OPHN1: variants seen among roughly 807,000 people sequenced by gnomAD.
The protein encoded by OPHN1 is oligophrenin-1.
OPHN1 carries 11 observed loss-of-function variants against 60.7 expected under a neutral mutation model. That is an observed-to-expected ratio of 0.18 (90% CI 0.11 to 0.30). The LOEUF is 0.30. OPHN1 is among the 10% of genes least tolerant of loss of function. OPHN1 has a pLI of 1.00. For synonymous variants in OPHN1, 226 were observed against 222.6 expected, an observed-to-expected ratio of 1.02 and a Z score of -0.14; for missense variants, 449 against 611.0, an observed-to-expected ratio of 0.73 and a Z score of 2.80.
intron 20 of OPHN1, among the ~76,000 whole-genome samples, chrX:68,069,979 T>C (rs772402608): frequency 2.7e-4 from 30 of 111,447 alleles, no homozygotes; most frequent in Non-Finnish European, 2.8e-4. Flanking sequence ...GCAACAGTCA[T>C]ATAATGAAGA....
chrX:68,430,049 A>C (rs771250890), intron 2 of OPHN1, among the ~76,000 whole-genome samples: 2 of 112,245 alleles, frequency 1.8e-5, no homozygotes, highest in Admixed American at 9.4e-5. Flanking sequence ...AAAAACAAAA[A>C]AAAAAAAAGT....
chrX:68,400,569 G>A (rs186149841), intron 2 of OPHN1, among the ~76,000 whole-genome samples: 2 of 110,078 alleles, frequency 1.8e-5, no homozygotes, highest in East Asian at 2.9e-4. Flanking sequence ...GGGGAAGCAG[G>A]CACGTCTTTC....
intron 2 of OPHN1, among the ~76,000 whole-genome samples, chrX:68,317,667 AAGG>A (rs1277736230): frequency 1.2e-4 from 11 of 88,323 alleles, no homozygotes; most frequent in East Asian, 8.4e-4. Context: ...GAGAAGGAGG[AAGG>A]AGGAGGAGGA....
intron 6 of OPHN1, among the ~76,000 whole-genome samples, chrX:68,219,453 C>A (rs890205580): frequency 1.9e-5 from 2 of 107,611 alleles, no homozygotes; most frequent in African/African-American, 6.8e-5. Flanking sequence ...ACAGAACTCT[C>A]CACCCCAAAT....
At chrX:68,089,275 A>G (rs1334399486) in intron 19 of OPHN1, among the ~76,000 whole-genome samples, 1 of 111,779 alleles carries the variant, frequency 8.9e-6, no homozygotes, top group Non-Finnish European at 1.9e-5. Context: ...GAAAAAATAT[A>G]TGATACAAGA....
chrX:68,053,430 C>T (rs756440184), intron 22 of OPHN1, among the ~76,000 whole-genome samples: 1 of 111,749 alleles, frequency 8.9e-6, no homozygotes, highest in South Asian at 3.7e-4. Context: ...CTAGCAGGTA[C>T]TAAGAATCAA....
chrX:68,244,410 C>A (rs1473157353), intron 5 of OPHN1, among the ~76,000 whole-genome samples: 3 of 112,257 alleles, frequency 2.7e-5, no homozygotes, highest in Non-Finnish European at 5.6e-5. Flanking sequence ...TGTTTAACAT[C>A]TGCCTCCCAC....
intron 2 of OPHN1, among the ~76,000 whole-genome samples, chrX:68,429,636 T>C (rs1267153767): frequency 9.0e-6 from 1 of 110,658 alleles, no homozygotes; most frequent in Non-Finnish European, 1.9e-5. Flanking sequence ...GGTGGGAGGA[T>C]CACTTGAGCC....
intron 2 of OPHN1, among the ~76,000 whole-genome samples, chrX:68,337,437 G>A (rs1459348036): frequency 3.6e-5 from 4 of 111,894 alleles, no homozygotes; most frequent in Non-Finnish European, 7.5e-5. Flanking sequence ...AAACCACAAT[G>A]GCAGATGTAA....
At chrX:68,433,822 A>G (rs1462058973), upstream of OPHN1, 5 of 296,045 alleles carry the variant, frequency 1.7e-5, no homozygotes, top group Non-Finnish European at 2.4e-5. Context: ...GCGGTAGCCC[A>G]GCGCTTCCCT....
At chrX:68,344,680 G>A (rs2078370646) in intron 2 of OPHN1, among the ~76,000 whole-genome samples, 1 of 111,131 alleles carries the variant, frequency 9.0e-6, no homozygotes, top group South Asian at 3.8e-4. Context: ...TTCAAGATCA[G>A]CCTGGGCAAC....
At chrX:68,158,535 C>T (rs1352119464) in intron 15 of OPHN1, among the ~76,000 whole-genome samples, 2 of 112,216 alleles carry the variant, frequency 1.8e-5, no homozygotes, top group Non-Finnish European at 3.8e-5. Context: ...TGAAAAATAA[C>T]CATTTAGAGT....
rs761763564 is a variant in OPHN1, at chrX:68,415,170, T to G, written c.154+17697A>C. On this transcript the variant is annotated intron_variant, in intron 2 of 24. Transcript: ENST00000355520. ...TCTAATATTGTAATTCTGATTCTCT[T>G]TGCCCTACTTACACATGGGAACCTG... is the stretch of plus-strand genomic sequence containing the variant. 1.4e-3 allele frequency among the ~76,000 whole-genome samples: 159 copies of G among 111,867 alleles called. 1 individual carries two copies. Among genetic ancestry groups the G allele is most frequent in the Non-Finnish European group, 2.5e-3 (134 of 53,213 alleles).
intron 2 of OPHN1, among the ~76,000 whole-genome samples, chrX:68,389,004 G>C: frequency 9.3e-6 from 1 of 107,963 alleles, no homozygotes; most frequent in Non-Finnish European, 1.9e-5. Flanking sequence ...ACCCAACTTG[G>C]AGTACAGTGG....
intron 20 of OPHN1, chrX:68,071,701 C>A: frequency 1.9e-6 from 1 of 518,870 alleles, no homozygotes; most frequent in South Asian, 2.7e-5. Flanking sequence ...TTGAAGTCCA[C>A]TCTCATAATG....
intron 10 of OPHN1, among the ~76,000 whole-genome samples, chrX:68,205,138 G>A (rs1336176763): frequency 9.0e-6 from 1 of 111,206 alleles, no homozygotes; most frequent in East Asian, 2.8e-4. Flanking sequence ...GGTTTTGAAT[G>A]AGTAACTGGC....
intron 5 of OPHN1, among the ~76,000 whole-genome samples, chrX:68,252,179 G>A (rs763545344): frequency 9.0e-6 from 1 of 111,482 alleles, no homozygotes; most frequent in Non-Finnish European, 1.9e-5. Context: ...CTTGTGGCCT[G>A]AGCCAAGCCC....
intron 2 of OPHN1, among the ~76,000 whole-genome samples, chrX:68,410,674 A>G (rs2078764883): frequency 1.8e-5 from 2 of 111,148 alleles, no homozygotes; most frequent in South Asian, 7.7e-4. Flanking sequence ...CCTCATTACT[A>G]AACATCTCCC....
intron 5 of OPHN1, among the ~76,000 whole-genome samples, chrX:68,244,748 A>G (rs1318080196): frequency 8.9e-6 from 1 of 112,223 alleles, no homozygotes; most frequent in African/African-American, 3.2e-5. Flanking sequence ...TATTATTTGT[A>G]AGTTGTTATG....
Sources: gnomAD v4.1 joint callset for allele counts (sites outside exome capture counted in the v4.1 genomes callset) on GRCh38, gnomAD v4.1.1 for gene constraint, MANE v1.5 for transcripts, NCBI Gene and HGNC (gene_info 2026-07-23, HGNC 2026-07-21) for gene names.